CEP68: variants seen among roughly 807,000 people sequenced by gnomAD.
CEP68 encodes the protein centrosomal protein 68.
Under a neutral mutation model 55.3 loss-of-function variants are expected in CEP68, and 26 were observed. The ratio of observed to expected loss-of-function variants is 0.47; its 90% CI spans 0.34 to 0.65. The LOEUF (loss-of-function observed/expected upper bound fraction) is 0.65. CEP68 is among the 30% of genes least tolerant of loss of function. The pLI is 0.01. For missense variants in CEP68, 957 were observed against 946.7 expected (o/e 1.01, Z -0.14); for synonymous variants, 402 against 383.2 (o/e 1.05, Z -0.57).
rs893467337 is a variant in CEP68, at chr2:65,080,294, T to G, written c.2105-2242T>G. The stretch of plus-strand genomic sequence containing the variant: ...TTTTCAGATATGTATCCAGGCTCTT[T>G]CAGATTGACACACAGCCCTTCCCCA... On this transcript the variant is annotated intron_variant, in intron 5 of 6. Transcript: ENST00000377990. The G allele has an allele frequency of 6.1e-6, 6 of 985,280 alleles. No homozygotes were observed. The South Asian group carries it at 2.8e-4, about 46-fold the overall frequency. 61.0% of individuals were successfully genotyped at this position (985,280 alleles called of 1,614,324 possible).
chr2:65,073,022 T>C (rs1371264262), intron 3 of CEP68, 42 bp downstream of exon 3: 1 of 1,602,458 alleles, frequency 6.2e-7, no homozygotes, highest in Admixed American at 1.7e-5. Context: ...TACAGGTGTC[T>C]TGTCTCTTCC....
At chr2:65,061,531 T>G (rs1034367614) in intron 1 of CEP68, among the ~76,000 whole-genome samples, 3 of 152,226 alleles carry the variant, frequency 2.0e-5, no homozygotes, top group Admixed American at 6.5e-5. Context: ...CTCCGTAGCT[T>G]TGAGTCTTTT....
chr2:65,073,370 T>C (rs1573038166), intron 3 of CEP68: 1 of 310,680 alleles, frequency 3.2e-6, no homozygotes, highest in East Asian at 8.6e-5. Flanking sequence ...TAAACAAAGG[T>C]AAGTGGCTTT....
chr2:65,057,489 T>C (rs2540948), intron 1 of CEP68, among the ~76,000 whole-genome samples: 50,593 of 152,056 alleles, frequency 0.33, 8,661 homozygotes, highest in Middle Eastern at 0.45. Flanking sequence ...GAATTCAGTT[T>C]AACCTCTTTT....
chr2:65,076,449 G>A (rs936466683), intron 4 of CEP68, among the ~76,000 whole-genome samples: 1 of 152,170 alleles, frequency 6.6e-6, no homozygotes, highest in Admixed American at 6.5e-5. Context: ...TAGGCCTCTT[G>A]TGTCACCCAT....
intron 1 of CEP68, among the ~76,000 whole-genome samples, chr2:65,060,423 T>A (rs1298170835): frequency 6.6e-6 from 1 of 152,134 alleles, no homozygotes; most frequent in Non-Finnish European, 1.5e-5. Context: ...ACGTGCAGCC[T>A]GATGACCTCA....
At chr2:65,057,587 C>T (rs1265930426) in intron 1 of CEP68, among the ~76,000 whole-genome samples, 1 of 152,224 alleles carries the variant, frequency 6.6e-6, no homozygotes, top group Non-Finnish European at 1.5e-5. Flanking sequence ...TGTTTTTACT[C>T]ATCACACTGT....
At chr2:65,073,078 C>A (rs1304894859) in intron 3 of CEP68, 98 bp downstream of exon 3, 3 of 1,338,144 alleles carry the variant, frequency 2.2e-6, no homozygotes, top group Middle Eastern at 1.8e-4. Flanking sequence ...GTTGACCAGG[C>A]ACTTTTTATG....
chr2:65,082,691 T>C lies in CEP68; in HGVS notation c.2260T>C (p.Cys754Arg), dbSNP rs561057413. 1.5e-5 allele frequency: 24 copies of C among 1,591,984 alleles called. No individual in the cohort carries two copies. The highest frequency in any genetic ancestry group is 1.0e-4 in the South Asian group (9 of 87,874). Residue 754 changes from cysteine (C) to arginine (R), a missense_variant, in exon 6 of 7, where the codon TGT (cysteine) becomes CGT (arginine). Physicochemically the swap from Cys to Arg is radical, Grantham distance 180. Coordinates refer to ENST00000377990, the MANE Select transcript of CEP68 (RefSeq NM_015147.3). ...KKPMAAMEHPCEGV is the reference protein window; with the variant it reads ...KKPMAAMEHPREGV Reference sequence around the variant, plus strand: ...GCCCATGGCGGCAATGGAGCACCCATGTGAAGGGGTTTAACCTGGTAAGTG... The same window carrying C: ...GCCCATGGCGGCAATGGAGCACCCACGTGAAGGGGTTTAACCTGGTAAGTG...
intron 1 of CEP68, among the ~76,000 whole-genome samples, chr2:65,057,548 C>G (rs909981650): frequency 1.3e-5 from 2 of 152,222 alleles, no homozygotes; most frequent in African/African-American, 4.8e-5. Context: ...GATAACTCCT[C>G]CCTTTTTTGG....
rs1668962641 is a variant in CEP68 at position 65,084,269 on chromosome 2, T to C, written c.*635T>C. ...TTACTTTCTTGGCTAACCAGTTTCTTAGAAGAAAATGTGTCAGGGACTTGG... is the reference window on the plus strand; with the variant it reads ...TTACTTTCTTGGCTAACCAGTTTCTCAGAAGAAAATGTGTCAGGGACTTGG... On this transcript the variant is annotated 3_prime_UTR_variant, in exon 7 of 7. Coordinates refer to ENST00000377990, the MANE Select transcript of CEP68 (RefSeq NM_015147.3). 1 of 152,210 alleles carries C rather than the reference T, an allele frequency of 6.6e-6. No homozygotes were observed. The highest frequency in any genetic ancestry group is 1.5e-5 in the Non-Finnish European group (1 of 68,044). 9.4% of individuals were successfully genotyped at this position (152,210 alleles called of 1,614,324 possible). A position where few individuals can be genotyped will look rare whatever the true frequency, so the allele number is the denominator to read the frequency against.
At chr2:65,064,611 GT>G in intron 1 of CEP68, among the ~76,000 whole-genome samples, 2 of 152,048 alleles carry the variant, frequency 1.3e-5, no homozygotes, top group Non-Finnish European at 2.9e-5. Context: ...GTGGGCGCCT[GT>G]AGTCCCAGCT....
chr2:65,073,775 G>A (rs1026972052), intron 3 of CEP68: 1 of 162,046 alleles, frequency 6.2e-6, no homozygotes, highest in Non-Finnish European at 1.4e-5. Context: ...ACCTTCCCAG[G>A]AGGTGACGTG....
chr2:65,059,237 C>G (rs113720539), intron 1 of CEP68, among the ~76,000 whole-genome samples: 1 of 152,186 alleles, frequency 6.6e-6, no homozygotes. Flanking sequence ...CTAGAAGTGT[C>G]AGATACAACT....
chr2:65,056,842 C>G (rs1053315003), intron 1 of CEP68, among the ~76,000 whole-genome samples: 1 of 152,100 alleles, frequency 6.6e-6, no homozygotes, highest in African/African-American at 2.4e-5. Context: ...AGGGAGTGCG[C>G]GAGTCCGCGC....
At chr2:65,057,914 C>T (rs1675717549) in intron 1 of CEP68, among the ~76,000 whole-genome samples, 1 of 151,764 alleles carries the variant, frequency 6.6e-6, no homozygotes, top group South Asian at 2.1e-4. Flanking sequence ...CCTCTGCCTC[C>T]CAGAGTGCTG....
At chr2:65,061,903 G>A (rs751953099) in intron 1 of CEP68, among the ~76,000 whole-genome samples, 7 of 152,190 alleles carry the variant, frequency 4.6e-5, no homozygotes, top group Non-Finnish European at 4.4e-5. Flanking sequence ...TTCCCCCAGA[G>A]TTCTTCCAGC....
At chr2:65,078,056 C>A in intron 5 of CEP68, 92 bp downstream of exon 5, 1 of 880,784 alleles carries the variant, frequency 1.1e-6, no homozygotes, top group Non-Finnish European at 1.8e-6. Context: ...GGAGCTGGTA[C>A]CACAAGAGCC....
intron 1 of CEP68, among the ~76,000 whole-genome samples, chr2:65,059,382 C>T (rs906744738): frequency 6.6e-6 from 1 of 152,102 alleles, no homozygotes; most frequent in Admixed American, 6.5e-5. Context: ...TTCCAGTTTC[C>T]AAAACAAATA....
Sources: gnomAD v4.1 joint callset for allele counts (sites outside exome capture counted in the v4.1 genomes callset) on GRCh38, gnomAD v4.1.1 for gene constraint, MANE v1.5 for transcripts, NCBI Gene and HGNC (gene_info 2026-07-23, HGNC 2026-07-21) for gene names.